The following SRFBP1 variants were observed in gnomAD, a reference collection of about 807,000 sequenced individuals.
SRFBP1 encodes serum response factor binding protein 1, also known as serum response factor-binding protein 1.
SRFBP1 carries 47 observed loss-of-function variants against 45.5 expected under a neutral mutation model. The observed-to-expected ratio is 1.03, with a 90% CI of 0.82 to 1.32. SRFBP1 has a LOEUF of 1.32. Among genes scored for constraint, SRFBP1 ranks in the 40% most tolerant of loss-of-function variants. The pLI is 0.00. For synonymous variants in SRFBP1, 203 were observed against 166.3 expected (o/e 1.22, Z -1.70); for missense variants, 621 against 484.6 (o/e 1.28, Z -2.64).
intron 4 of SRFBP1, among the ~76,000 whole-genome samples, chr5:122,013,667 A>G (rs575347899): frequency 3.3e-5 from 5 of 150,650 alleles, no homozygotes; most frequent in Non-Finnish European, 7.4e-5. Context: ...GTTTAGTAAC[A>G]TAATGAATAA....
chr5:121,965,566 A>G (rs988564899), intron 1 of SRFBP1, among the ~76,000 whole-genome samples: 1 of 152,198 alleles, frequency 6.6e-6, no homozygotes, highest in Non-Finnish European at 1.5e-5. Context: ...TTTTGGTACC[A>G]GTACCATGCT....
rs146866563 is a variant in SRFBP1 at position 121,989,436 on chromosome 5, T to C, written c.199-5163T>C. 2.5e-4 allele frequency among the ~76,000 whole-genome samples: 38 copies of C among 152,256 alleles called. 1 individual carries two copies. In the East Asian group the frequency reaches 6.4e-3, roughly 25 times the overall value. On this transcript the variant is annotated intron_variant, in intron 3 of 7. Coordinates refer to ENST00000339397, the MANE Select transcript of SRFBP1 (RefSeq NM_152546.3). ...TAATCATTTTACTTAGCATTAACAATATACACTAGGAAGAGCATGGTGTAA... is the reference window on the plus strand; with the variant it reads ...TAATCATTTTACTTAGCATTAACAACATACACTAGGAAGAGCATGGTGTAA...
chr5:122,063,875 A>G (rs1373834021), intron 2 of SRFBP1: 3 of 151,950 alleles, frequency 2.0e-5, no homozygotes, highest in Non-Finnish European at 2.9e-5. Context: ...AAAGAGAAAA[A>G]AAGTACTACA....
chr5:122,037,356 C>T (rs754647857), intron 2 of SRFBP1, among the ~76,000 whole-genome samples: 5 of 152,148 alleles, frequency 3.3e-5, no homozygotes, highest in Non-Finnish European at 5.9e-5. Context: ...TGTCTTCTGC[C>T]GGCATCCCTA....
intron 2 of SRFBP1, among the ~76,000 whole-genome samples, chr5:122,050,859 A>G (rs1252765877): frequency 1.3e-5 from 2 of 151,832 alleles, no homozygotes; most frequent in African/African-American, 2.4e-5. Context: ...TTAATTTGAG[A>G]TCTTTCTTAC....
At chr5:121,967,217 A>G (rs1302272729) in intron 1 of SRFBP1, among the ~76,000 whole-genome samples, 1 of 152,222 alleles carries the variant, frequency 6.6e-6, no homozygotes, top group Non-Finnish European at 1.5e-5. Flanking sequence ...CACATATTGT[A>G]AAACATAAGA....
At chr5:121,994,218 TC>T (rs1324198740) in intron 3 of SRFBP1, among the ~76,000 whole-genome samples, 1 of 152,046 alleles carries the variant, frequency 6.6e-6, no homozygotes, top group Non-Finnish European at 1.5e-5. Context: ...TTCTTTGTCT[TC>T]ATTTTGTTTT....
intron 2 of SRFBP1, among the ~76,000 whole-genome samples, chr5:122,039,017 A>G (rs914097795): frequency 2.6e-5 from 4 of 152,220 alleles, no homozygotes; most frequent in African/African-American, 4.8e-5. Context: ...TTGAAAAACA[A>G]TGAACAAGTA....
At chr5:122,072,560 G>T (rs1754481309) in intron 2 of SRFBP1, among the ~76,000 whole-genome samples, 1 of 152,080 alleles carries the variant, frequency 6.6e-6, no homozygotes, top group African/African-American at 2.4e-5. Flanking sequence ...TTTTATGCTT[G>T]AATACATTTA....
chr5:122,029,196 A>G (rs1753553004), downstream of SRFBP1, among the ~76,000 whole-genome samples: 1 of 152,148 alleles, frequency 6.6e-6, no homozygotes, highest in South Asian at 2.1e-4. Flanking sequence ...TGTGTAATAT[A>G]TACACACACA....
rs979548028 is a variant in SRFBP1 at position 121,962,005 on chromosome 5, A to T, written c.-28A>T. 9 of 1,613,382 alleles carry T rather than the reference A, an allele frequency of 5.6e-6. No homozygotes were observed. Among genetic ancestry groups the T allele is most frequent in the Non-Finnish European group, 7.6e-6 (9 of 1,179,850 alleles). ...CTGAGAGACCGGTTCACGTGCAGGC[A>T]GCGGCGGATCATATTCCTTCATCTA... On this transcript the variant is annotated 5_prime_UTR_variant, in exon 1 of 8. Coordinates refer to ENST00000339397, the MANE Select transcript of SRFBP1 (RefSeq NM_152546.3).
chr5:121,995,612 A>G (rs1752707305), intron 4 of SRFBP1, among the ~76,000 whole-genome samples: 4 of 152,226 alleles, frequency 2.6e-5, no homozygotes, highest in Admixed American at 2.6e-4. Flanking sequence ...GAACTAGAAA[A>G]GCAAGAGCAA....
chr5:121,998,670 A>AC (rs1752788107), intron 4 of SRFBP1, among the ~76,000 whole-genome samples: 1 of 151,684 alleles, frequency 6.6e-6, no homozygotes, highest in Admixed American at 6.6e-5. Flanking sequence ...TATAAAAAAA[A>AC]AAAAAACTAA....
chr5:122,039,431 C>T (rs970795603), intron 2 of SRFBP1, among the ~76,000 whole-genome samples: 2 of 152,128 alleles, frequency 1.3e-5, no homozygotes, highest in African/African-American at 4.8e-5. Flanking sequence ...TAAAAACTGG[C>T]TAAGTGCTCA....
chr5:122,042,305 G>T (rs1203776656), intron 2 of SRFBP1, among the ~76,000 whole-genome samples: 1 of 152,048 alleles, frequency 6.6e-6, no homozygotes, highest in Non-Finnish European at 1.5e-5. Context: ...GTCTCACTGT[G>T]TCACCCAGGT....
chr5:121,968,333 G>A (rs1580496304), intron 1 of SRFBP1, among the ~76,000 whole-genome samples: 1 of 151,890 alleles, frequency 6.6e-6, no homozygotes, highest in Non-Finnish European at 1.5e-5. Context: ...ATGTGGGATG[G>A]AGTAGTACAG....
chr5:122,049,659 A>G (rs1561408748), intron 2 of SRFBP1, among the ~76,000 whole-genome samples: 1 of 152,158 alleles, frequency 6.6e-6, no homozygotes, highest in Non-Finnish European at 1.5e-5. Context: ...AAAAGAACAG[A>G]AATTATAACA....
At chr5:122,006,165 A>G (rs372625443) in intron 4 of SRFBP1, among the ~76,000 whole-genome samples, 2 of 151,140 alleles carry the variant, frequency 1.3e-5, no homozygotes, top group Non-Finnish European at 2.9e-5. Context: ...TGCCAAGTAC[A>G]GTATTCTTCA....
rs1485197467 is a variant in SRFBP1, at chr5:121,997,814, G to T, written c.270+3144G>T. ...AATCTACAATGAACTCAAACAAATT[G>T]ACAAGAAAAAAACAAACAACCCCAT... On this transcript the variant is annotated intron_variant, in intron 4 of 7. Coordinates refer to ENST00000339397, the MANE Select transcript of SRFBP1 (RefSeq NM_152546.3). Among the ~76,000 whole-genome samples the T allele has an allele frequency of 2.8e-4, 43 of 151,408 alleles. 1 individual carries two copies. The highest frequency in any genetic ancestry group is 3.4e-3 in the Middle Eastern group (1 of 290).
Sources: allele counts gnomAD v4.1 joint callset (sites outside exome capture counted in the v4.1 genomes callset), GRCh38; gene constraint gnomAD v4.1.1; transcripts MANE v1.5; gene names NCBI Gene and HGNC (gene_info 2026-07-23, HGNC 2026-07-21).